Variants in PLOD2 observed in about 807,000 individuals in gnomAD.
The protein encoded by PLOD2 is procollagen-lysine,2-oxoglutarate 5-dioxygenase 2.
In PLOD2, 65 loss-of-function variants were observed where a neutral mutation model predicts 101.0. The ratio of observed to expected loss-of-function variants is 0.64; its 90% CI spans 0.53 to 0.79. The LOEUF (loss-of-function observed/expected upper bound fraction) is 0.79, where lower values mean the gene tolerates loss of function less well. PLOD2 is among the 30% of genes least tolerant of loss of function. PLOD2 has a pLI of 0.00. For synonymous variants in PLOD2, 314 were observed against 302.9 expected, an observed-to-expected ratio of 1.04 and a Z score of -0.38; for missense variants, 909 against 914.6, an observed-to-expected ratio of 0.99 and a Z score of 0.08.
In PLOD2 at chr3:146,070,317, T is replaced by C. The variant is rs1936078818; in HGVS notation, c.*400A>G. The C allele has an allele frequency of 6.5e-6, 1 of 154,600 alleles. No individual in the cohort carries two copies. The highest frequency in any genetic ancestry group is 1.4e-5 in the Non-Finnish European group (1 of 69,800). The allele number at this position is 154,600 out of a possible 1,614,324, so 9.6% of individuals were successfully genotyped here. Reference sequence around the variant, plus strand: ...ATGGTAATTTTCATTTATATCCATTTTGTCTACATTTCCTCTATATTTTGA... The same window carrying C: ...ATGGTAATTTTCATTTATATCCATTCTGTCTACATTTCCTCTATATTTTGA... On this transcript the variant is annotated 3_prime_UTR_variant, in exon 20 of 20. Transcript: ENST00000282903.
At chr3:146,113,642 C>T (rs1473278267) in intron 3 of PLOD2, among the ~76,000 whole-genome samples, 2 of 152,148 alleles carry the variant, frequency 1.3e-5, no homozygotes, top group African/African-American at 2.4e-5. Flanking sequence ...TTTCCTATGC[C>T]TGTCTTTACT....
At chr3:146,084,021 T>G (rs1322353204) in intron 11 of PLOD2, among the ~76,000 whole-genome samples, 2 of 152,012 alleles carry the variant, frequency 1.3e-5, no homozygotes, top group Admixed American at 6.6e-5. Context: ...AATGAAAATA[T>G]CTAATTATTA....
chr3:146,144,964 T>G (rs1379693303), intron 1 of PLOD2, among the ~76,000 whole-genome samples: 1 of 152,148 alleles, frequency 6.6e-6, no homozygotes, highest in Non-Finnish European at 1.5e-5. Flanking sequence ...CAAGCATTTA[T>G]TGTCATTGTA....
chr3:146,122,618 T>C (rs1375364460), intron 2 of PLOD2, among the ~76,000 whole-genome samples: 2 of 152,152 alleles, frequency 1.3e-5, no homozygotes, highest in East Asian at 1.9e-4. Flanking sequence ...AATGCAGATG[T>C]TGGTGGTCTG....
chr3:146,088,867 C>T (rs1286546305), intron 8 of PLOD2, 156 bp from the exon 9 acceptor site: 1 of 652,770 alleles, frequency 1.5e-6, no homozygotes, highest in Non-Finnish European at 2.6e-6. Context: ...TTCTCTAACA[C>T]TTGAAACAAA....
intron 10 of PLOD2, 156 bp downstream of exon 10, chr3:146,086,631 A>G (rs373268499): frequency 4.3e-6 from 2 of 467,542 alleles, no homozygotes; most frequent in Non-Finnish European, 7.5e-6. Flanking sequence ...ATAAATACGT[A>G]CAAACATAGA....
Position 146,106,552 on chromosome 3 carries a change from A to C in PLOD2, c.595T>G (p.Tyr199Asp), listed in dbSNP as rs1362171772. Residue 199 changes from tyrosine to aspartate, a missense_variant, in exon 5 of 20, where the codon TAC becomes GAC. Tyr to Asp is a radical substitution (Grantham distance 160). Transcript: ENST00000282903. ...DDDQLFYTKV[Y>D]IDPLKREAIN... ...CACACCCTTTTCAGTGGATCAATGT[A>C]AACTTTAGTGTAAAAGAGCTGATCA... 1 of 1,546,932 alleles carries C rather than the reference A, an allele frequency of 6.5e-7. No individual in the cohort carries two copies. Among genetic ancestry groups the C allele is most frequent in the Non-Finnish European group, 8.9e-7 (1 of 1,118,778 alleles).
intron 7 of PLOD2, among the ~76,000 whole-genome samples, chr3:146,101,037 A>T (rs1303999596): frequency 1.3e-5 from 2 of 152,126 alleles, no homozygotes; most frequent in African/African-American, 4.8e-5. Context: ...TTGGAGTGGG[A>T]AGTGCCTAGA....
At chr3:146,083,402 A>C (rs1936631519) in intron 11 of PLOD2, among the ~76,000 whole-genome samples, 1 of 152,192 alleles carries the variant, frequency 6.6e-6, no homozygotes, top group African/African-American at 2.4e-5. Context: ...TAAATCTTGC[A>C]ACATTCCTGG....
chr3:146,094,554 A>G (rs2108035255), intron 7 of PLOD2, among the ~76,000 whole-genome samples: 1 of 152,342 alleles, frequency 6.6e-6, no homozygotes, highest in East Asian at 1.9e-4. Flanking sequence ...TTCAAGGAGA[A>G]TTACAAACCA....
chr3:146,109,774 T>G (rs1436791373), intron 4 of PLOD2, among the ~76,000 whole-genome samples: 1 of 152,218 alleles, frequency 6.6e-6, no homozygotes, highest in Non-Finnish European at 1.5e-5. Context: ...ATGCAATATT[T>G]TAAGTATACC....
chr3:146,069,440 T>G lies in PLOD2; in HGVS notation c.*1277A>C, dbSNP rs1936045330. The stretch of plus-strand genomic sequence containing the variant: ...AACACCAATAATAGAACAACAAAAC[T>G]TTCTAAAATTATTTTATTTTTTATA... On this transcript the variant is annotated 3_prime_UTR_variant, in exon 20 of 20. Transcript: ENST00000282903. 1 of 152,106 alleles carries G rather than the reference T, an allele frequency of 6.6e-6. No homozygotes were observed. The highest frequency in any genetic ancestry group is 2.4e-5 in the African/African-American group (1 of 41,382). 9.4% of individuals were successfully genotyped at this position (152,106 alleles called of 1,614,324 possible).
At chr3:146,078,565 A>G (rs1008293419) in intron 13 of PLOD2, among the ~76,000 whole-genome samples, 1 of 152,040 alleles carries the variant, frequency 6.6e-6, no homozygotes, top group Non-Finnish European at 1.5e-5. Flanking sequence ...TTTGTAGTGC[A>G]GCAAGGTATC....
intron 1 of PLOD2, among the ~76,000 whole-genome samples, chr3:146,132,292 T>C (rs2030960821): frequency 6.6e-6 from 1 of 152,104 alleles, no homozygotes; most frequent in South Asian, 2.1e-4. Flanking sequence ...ACCATAGCAG[T>C]ATGTGCAGTG....
intron 8 of PLOD2, 38 bp from the exon 9 acceptor site, chr3:146,088,749 TA>T (rs1443673595): frequency 1.3e-6 from 2 of 1,506,894 alleles, no homozygotes. Context: ...AAATTATCAT[TA>T]GTATGGTTTT....
intron 1 of PLOD2, among the ~76,000 whole-genome samples, chr3:146,143,353 CAAATT>C (rs2031620350): frequency 1.3e-5 from 2 of 151,650 alleles, no homozygotes; most frequent in Non-Finnish European, 2.9e-5. Flanking sequence ...AAGACTTAAA[CAAATT>C]AAAACTTCTA....
intron 4 of PLOD2, among the ~76,000 whole-genome samples, chr3:146,108,818 T>G (rs1937579156): frequency 6.6e-6 from 1 of 152,212 alleles, no homozygotes; most frequent in African/African-American, 2.4e-5. Flanking sequence ...TTACGAGATT[T>G]CACTATGCAA....
At chr3:146,105,813 A>G (rs1174454583) in intron 5 of PLOD2, among the ~76,000 whole-genome samples, 1 of 152,196 alleles carries the variant, frequency 6.6e-6, no homozygotes, top group African/African-American at 2.4e-5. Context: ...TAGCCTATCT[A>G]GGATCAAAGA....
At chr3:146,125,692 A>C (rs2030522682) in intron 1 of PLOD2, among the ~76,000 whole-genome samples, 1 of 152,172 alleles carries the variant, frequency 6.6e-6, no homozygotes, top group African/African-American at 2.4e-5. Flanking sequence ...GATGGTAGTG[A>C]GCCAAGATCA....
Sources: gnomAD v4.1 joint callset for allele counts (sites outside exome capture counted in the v4.1 genomes callset) on GRCh38, gnomAD v4.1.1 for gene constraint, MANE v1.5 for transcripts, NCBI Gene and HGNC (gene_info 2026-07-23, HGNC 2026-07-21) for gene names.